Variants in YEATS2 observed in about 807,000 individuals in gnomAD.
YEATS2 encodes the protein YEATS domain containing 2.
YEATS2 carries 77 observed loss-of-function variants against 163.2 expected under a neutral mutation model. That is an observed-to-expected ratio of 0.47 (90% CI 0.39 to 0.57). YEATS2 has a LOEUF of 0.57. YEATS2 is among the 20% of genes least tolerant of loss of function. The probability of loss-of-function intolerance (pLI) is 0.00; values close to 1 mark genes in which losing one functional copy is unlikely to be tolerated. For missense variants in YEATS2, 1,549 were observed against 1,729.8 expected, an observed-to-expected ratio of 0.90 and a Z score of 1.85; for synonymous variants, 631 against 645.1, an observed-to-expected ratio of 0.98 and a Z score of 0.33.
At position 183,732,294 on chromosome 3, in the gene YEATS2, CA is replaced by C. The variant is rs202024193; in HGVS notation, c.812+3452del. Among the ~76,000 whole-genome samples, 5 of 150,010 alleles carry C rather than the reference CA, an allele frequency of 3.3e-5. No homozygotes were observed. In the East Asian group the frequency reaches 6.1e-4, roughly 18 times the overall value. The stretch of plus-strand genomic sequence containing the variant: ...TGAAACCTTGTCTCTACTAAAAATA[CA>C]AAAAAAAATTAGCCATGCCCGGTGG... On this transcript the variant is annotated intron_variant, in intron 7 of 30. Coordinates refer to ENST00000305135, the MANE Select transcript of YEATS2 (RefSeq NM_018023.5).
chr3:183,727,852 G>A (rs529322739), intron 6 of YEATS2, among the ~76,000 whole-genome samples: 1 of 152,194 alleles, frequency 6.6e-6, no homozygotes, highest in South Asian at 2.1e-4. Flanking sequence ...AAACCTGAAT[G>A]AAATCAACCC....
chr3:183,753,982 G>A, intron 10 of YEATS2, 144 bp from the exon 11 acceptor site: 1 of 1,045,412 alleles, frequency 9.6e-7, no homozygotes, highest in East Asian at 2.6e-5. Flanking sequence ...AAATATGAAG[G>A]GATGATTGAT....
rs1202356686 is a variant in YEATS2 at position 183,756,927 on chromosome 3, A to G, written c.1552+238A>G. On this transcript the variant is annotated intron_variant, in intron 12 of 30. Transcript: ENST00000305135. The stretch of plus-strand genomic sequence containing the variant: ...AATTTCTAAAAGTTCAAAATAAGCC[A>G]TAATGAATGTTCTTAAAAGAATAGT... Among the ~76,000 whole-genome samples, 10 of 152,254 alleles carry G rather than the reference A, an allele frequency of 6.6e-5. No individual in the cohort carries two copies. In the South Asian group the frequency reaches 1.0e-3, roughly 16 times the overall value.
chr3:183,787,209 C>T (rs1451188978), intron 20 of YEATS2, among the ~76,000 whole-genome samples: 2 of 152,170 alleles, frequency 1.3e-5, no homozygotes, highest in South Asian at 2.1e-4. Context: ...TGCCTCATCT[C>T]CCAAAGTGCT....
intron 8 of YEATS2, among the ~76,000 whole-genome samples, chr3:183,741,739 G>A (rs1233537106): frequency 1.3e-5 from 2 of 151,984 alleles, no homozygotes; most frequent in African/African-American, 2.4e-5. Context: ...CCAAGATCGC[G>A]CCACTGCACT....
intron 11 of YEATS2, 91 bp downstream of exon 11, chr3:183,754,456 C>T (rs1324756860): frequency 2.0e-6 from 3 of 1,486,600 alleles, no homozygotes; most frequent in African/African-American, 2.8e-5. Context: ...CTTTTTTTCT[C>T]TTAAGTTCTT....
chr3:183,727,549 A>G (rs1232944562), intron 6 of YEATS2, among the ~76,000 whole-genome samples: 1 of 152,084 alleles, frequency 6.6e-6, no homozygotes, highest in Non-Finnish European at 1.5e-5. Context: ...GGTCAAGAAC[A>G]CTCCTCAAGA....
intron 10 of YEATS2, among the ~76,000 whole-genome samples, chr3:183,752,769 C>CT (rs1720323133): frequency 6.7e-6 from 1 of 150,284 alleles, no homozygotes; most frequent in Admixed American, 6.7e-5. Flanking sequence ...GTAAAAATAG[C>CT]TAAAAAACAT....
chr3:183,745,690 A>G (rs753273531), intron 8 of YEATS2, among the ~76,000 whole-genome samples: 83 of 152,162 alleles, frequency 5.5e-4, no homozygotes, highest in Admixed American at 5.9e-4. Flanking sequence ...TGAAATTACT[A>G]TATCCTGCAT....
intron 13 of YEATS2, 22 bp downstream of exon 13, chr3:183,758,987 T>G: frequency 7.2e-7 from 1 of 1,391,858 alleles, no homozygotes; most frequent in Non-Finnish European, 9.8e-7. Flanking sequence ...ACTGCGTTAT[T>G]ACACTTTGCT....
intron 1 of YEATS2, among the ~76,000 whole-genome samples, chr3:183,698,444 G>A (rs1244027007): frequency 2.0e-5 from 3 of 152,122 alleles, no homozygotes; most frequent in African/African-American, 7.2e-5. Context: ...GGCTTTGGGG[G>A]TCCAGGGATG....
intron 6 of YEATS2, 62 bp downstream of exon 6, chr3:183,724,593 C>A: frequency 8.0e-7 from 1 of 1,248,520 alleles, no homozygotes; most frequent in Admixed American, 2.1e-5. Flanking sequence ...GGCATTAATA[C>A]TCTTACAGTG....
chr3:183,752,953 G>A (rs922699057), intron 10 of YEATS2, among the ~76,000 whole-genome samples: 5 of 151,226 alleles, frequency 3.3e-5, no homozygotes. Flanking sequence ...GTCCACCACC[G>A]CTCTCGGCTA....
intron 2 of YEATS2, 85 bp from the exon 3 acceptor site, chr3:183,717,566 T>C (rs1293038963): frequency 9.7e-7 from 1 of 1,027,398 alleles, no homozygotes; most frequent in Non-Finnish European, 1.4e-6. Flanking sequence ...TACTATTTCT[T>C]GGATTTCTTT....
chr3:183,712,873 G>T (rs922963134), intron 1 of YEATS2, among the ~76,000 whole-genome samples: 1 of 151,638 alleles, frequency 6.6e-6, no homozygotes, highest in Non-Finnish European at 1.5e-5. Flanking sequence ...TGATTCTCCT[G>T]CCTTAGCCTC....
intron 19 of YEATS2, among the ~76,000 whole-genome samples, chr3:183,783,870 T>G (rs1389663717): frequency 6.6e-6 from 1 of 151,920 alleles, no homozygotes; most frequent in Non-Finnish European, 1.5e-5. Flanking sequence ...GTAGAATGAT[T>G]TATTTTCTTT....
At chr3:183,807,817 A>AT (rs761204774) in intron 28 of YEATS2, 4 of 538,364 alleles carry the variant, frequency 7.4e-6, no homozygotes, top group Non-Finnish European at 1.3e-5. Flanking sequence ...TTATAGTCAT[A>AT]TTTTAAATAT....
Position 183,761,504 on chromosome 3 carries a change from C to T in YEATS2, c.1657-3C>T. 1 of 1,613,142 alleles carries T rather than the reference C, an allele frequency of 6.2e-7. No individual in the cohort carries two copies. Among genetic ancestry groups the T allele is most frequent in the Non-Finnish European group, 8.5e-7 (1 of 1,179,088 alleles). ...TGTAAAATATGTATTTTTACACACA[C>T]AGCAGGAGGATTCTTTGTTTGCATC... On this transcript the variant is annotated splice_polypyrimidine_tract_variant and splice_region_variant and intron_variant, in intron 13 of 30. Coordinates refer to ENST00000305135, the MANE Select transcript of YEATS2 (RefSeq NM_018023.5).
At chr3:183,803,118 C>A in intron 25 of YEATS2, 138 bp from the exon 26 acceptor site, 1 of 832,020 alleles carries the variant, frequency 1.2e-6, no homozygotes, top group Non-Finnish European at 1.9e-6. Flanking sequence ...CTGTGTTAGG[C>A]TGCATCTGAG....
Sources: allele counts gnomAD v4.1 joint callset (sites outside exome capture counted in the v4.1 genomes callset), GRCh38; gene constraint gnomAD v4.1.1; transcripts MANE v1.5; gene names NCBI Gene and HGNC (gene_info 2026-07-23, HGNC 2026-07-21).